ADGRL3: variants seen among roughly 807,000 people sequenced by gnomAD.
ADGRL3 encodes adhesion G protein-coupled receptor L3.
In ADGRL3, 62 loss-of-function variants were observed where a neutral mutation model predicts 153.5. That is an observed-to-expected ratio of 0.40 (90% confidence interval 0.33 to 0.50). The LOEUF (loss-of-function observed/expected upper bound fraction) is 0.50, where lower values mean the gene tolerates loss of function less well. Ranked by LOEUF, ADGRL3 falls within the 20% of genes least tolerant of loss-of-function variation. The pLI is 0.47. For missense variants in ADGRL3, 1,641 were observed against 1,859.4 expected (o/e 0.88, Z 2.16); for synonymous variants, 710 against 672.5 (o/e 1.06, Z -0.86).
intron 25 of ADGRL3, among the ~76,000 whole-genome samples, chr4:62,056,839 A>G (rs745636989): frequency 3.3e-5 from 5 of 152,140 alleles, no homozygotes; most frequent in Non-Finnish European, 7.4e-5. Flanking sequence ...TTTTATTAGG[A>G]TAAAGCAAAC....
chr4:61,840,372 AC>A (rs756497619), intron 9 of ADGRL3, among the ~76,000 whole-genome samples: 9 of 152,120 alleles, frequency 5.9e-5, no homozygotes, highest in African/African-American at 2.2e-4. Context: ...GAGCCACCGC[AC>A]CCAGCTTGTT....
chr4:61,320,138 T>A (rs907916738), intron 1 of ADGRL3, among the ~76,000 whole-genome samples: 1 of 152,164 alleles, frequency 6.6e-6, no homozygotes, highest in African/African-American at 2.4e-5. Context: ...CTTCTGGAAA[T>A]GAATTGGCTG....
intron 19 of ADGRL3, among the ~76,000 whole-genome samples, chr4:61,994,441 T>A (rs1162208555): frequency 6.6e-6 from 1 of 152,058 alleles, no homozygotes; most frequent in Non-Finnish European, 1.5e-5. Context: ...GGTGAGCCGC[T>A]GTGGCTAGCC....
intron 4 of ADGRL3, among the ~76,000 whole-genome samples, chr4:61,554,024 G>T (rs2098752900): frequency 6.7e-6 from 1 of 149,982 alleles, no homozygotes; most frequent in African/African-American, 2.4e-5. Flanking sequence ...AGTGAAATCT[G>T]ATAAAAGAAC....
chr4:61,945,687 T>C (rs1357859711), intron 15 of ADGRL3, among the ~76,000 whole-genome samples: 1 of 147,190 alleles, frequency 6.8e-6, no homozygotes, highest in Non-Finnish European at 1.5e-5. Flanking sequence ...CGGGTGGGAG[T>C]GACCCGATTT....
At chr4:61,542,119 C>T (rs1297108372) in intron 4 of ADGRL3, among the ~76,000 whole-genome samples, 1 of 152,042 alleles carries the variant, frequency 6.6e-6, no homozygotes, top group East Asian at 1.9e-4. Context: ...GTGACTATAA[C>T]ACTGTAACTG....
chr4:62,031,725 T>C, intron 23 of ADGRL3, 115 bp downstream of exon 23: 3 of 706,178 alleles, frequency 4.2e-6, no homozygotes, highest in Non-Finnish European at 2.2e-6. Flanking sequence ...GAAATAAAGA[T>C]ACTCATCATT....
At chr4:61,421,860 A>G (rs900529532) in intron 2 of ADGRL3, among the ~76,000 whole-genome samples, 2 of 152,100 alleles carry the variant, frequency 1.3e-5, no homozygotes, top group East Asian at 1.9e-4. Context: ...ACTATCCACA[A>G]CATTTGTAAA....
intron 15 of ADGRL3, among the ~76,000 whole-genome samples, chr4:61,946,604 ATAT>A (rs762411958): frequency 1.6e-4 from 24 of 152,056 alleles, no homozygotes; most frequent in Non-Finnish European, 3.5e-4. Context: ...AAGTACAAGG[ATAT>A]TATTCTATAT....
intron 11 of ADGRL3, among the ~76,000 whole-genome samples, chr4:61,898,444 T>TGA (rs1485875064): frequency 6.6e-6 from 1 of 151,616 alleles, no homozygotes; most frequent in Non-Finnish European, 1.5e-5. Flanking sequence ...CTCTCTCTTG[T>TGA]GAGAGAGAGA....
At chr4:61,686,058 CTT>C (rs149552975) in intron 6 of ADGRL3, among the ~76,000 whole-genome samples, 1 of 151,894 alleles carries the variant, frequency 6.6e-6, no homozygotes, top group Admixed American at 6.6e-5. Flanking sequence ...GGAAGTAAAA[CTT>C]TATTATAGAC....
chr4:61,498,676 T>G (rs1343624246), intron 3 of ADGRL3, among the ~76,000 whole-genome samples: 1 of 152,206 alleles, frequency 6.6e-6, no homozygotes, highest in East Asian at 1.9e-4. Flanking sequence ...ATGTTGTTCA[T>G]TTAGACATCT....
intron 5 of ADGRL3, among the ~76,000 whole-genome samples, chr4:61,641,774 T>C (rs2150182655): frequency 6.6e-6 from 1 of 151,292 alleles, no homozygotes; most frequent in Admixed American, 6.6e-5. Flanking sequence ...TATAGCAGCA[T>C]GATTTATAGT....
chr4:61,419,575 C>T (rs1433760840), intron 2 of ADGRL3, among the ~76,000 whole-genome samples: 2 of 152,026 alleles, frequency 1.3e-5, no homozygotes, highest in Non-Finnish European at 2.9e-5. Flanking sequence ...ACCAGAATAC[C>T]CCGAGTACCC....
At chr4:61,647,545 G>A (rs58345879) in intron 5 of ADGRL3, among the ~76,000 whole-genome samples, 3,404 of 152,046 alleles carry the variant, frequency 0.022, 119 homozygotes, top group East Asian at 0.18. Context: ...TTCTTTTGAC[G>A]TTAGCCTTTT....
chr4:61,771,224 C>G (rs2097082183), intron 8 of ADGRL3, among the ~76,000 whole-genome samples: 1 of 152,136 alleles, frequency 6.6e-6, no homozygotes, highest in African/African-American at 2.4e-5. Context: ...CATGTTTAGG[C>G]AAGACCCCTG....
At chr4:61,540,466 T>C (rs1296043031) in intron 4 of ADGRL3, among the ~76,000 whole-genome samples, 1 of 152,014 alleles carries the variant, frequency 6.6e-6, no homozygotes, top group Non-Finnish European at 1.5e-5. Flanking sequence ...GGAGATTCAC[T>C]TGAACCCACA....
intron 2 of ADGRL3, among the ~76,000 whole-genome samples, chr4:61,477,414 A>G (rs918821871): frequency 2.6e-5 from 4 of 152,116 alleles, no homozygotes; most frequent in African/African-American, 9.7e-5. Context: ...ATTTTATGCA[A>G]AAGAAAGCTG....
chr4:61,694,176 A>ATTTT lies in ADGRL3; in HGVS notation c.583+17243_583+17244insTTTT, dbSNP rs2095592928. Among the ~76,000 whole-genome samples, 10 of 94,702 alleles carry ATTTT rather than the reference A, an allele frequency of 1.1e-4. 3 individuals are homozygous for ATTTT. The highest frequency in any genetic ancestry group is 1.2e-4 in the Non-Finnish European group (5 of 43,054). 62.1% of individuals were successfully genotyped at this position (94,702 alleles called of 152,430 possible). ...TCCTATACTATTTTAAAATTTTGTC[A>ATTTT]TTATTTTTTTTTTTTTTTTTTTTTT... On this transcript the variant is annotated intron_variant, in intron 6 of 26. Coordinates refer to ENST00000683033, the MANE Select transcript of ADGRL3 (RefSeq NM_001387552.1).
Sources: allele counts gnomAD v4.1 joint callset (sites outside exome capture counted in the v4.1 genomes callset), GRCh38; gene constraint gnomAD v4.1.1; transcripts MANE v1.5; gene names NCBI Gene and HGNC (gene_info 2026-07-23, HGNC 2026-07-21).